Variants in EYS observed in about 807,000 individuals in gnomAD.
The protein encoded by EYS is EGF-like photoreceptor maintenance factor.
A neutral mutation model predicts 282.1 loss-of-function variants in EYS; 250 were observed. The observed-to-expected ratio is 0.89, with a 90% CI of 0.80 to 0.98. EYS has a LOEUF of 0.98. EYS is among the 50% of genes least tolerant of loss of function. The probability of loss-of-function intolerance (pLI) is 0.00; values close to 1 mark genes in which losing one functional copy is unlikely to be tolerated. For missense variants in EYS, 4,016 were observed against 3,709.0 expected (o/e 1.08, Z -2.15); for synonymous variants, 1,355 against 1,282.9 (o/e 1.06, Z -1.20).
At chr6:65,448,157 A>C (rs9351494) in intron 5 of EYS, among the ~76,000 whole-genome samples, 28,170 of 151,928 alleles carry the variant, frequency 0.19, 3,257 homozygotes, top group Middle Eastern at 0.3. Context: ...GTATTTGCAA[A>C]AAGCTGATAC....
intron 22 of EYS, among the ~76,000 whole-genome samples, chr6:64,812,492 CA>C (rs34843455): frequency 6.6e-6 from 1 of 151,688 alleles, no homozygotes. Context: ...TATAAGTAGG[CA>C]AAACATGCCC....
intron 13 of EYS, among the ~76,000 whole-genome samples, chr6:65,010,419 G>A (rs2092927): frequency 0.068 from 10,404 of 152,230 alleles, 448 homozygotes; most frequent in East Asian, 0.13. Context: ...CCAGTGCTGC[G>A]ACTGCGCACT....
chr6:65,045,939 A>AT (rs1773088081), intron 13 of EYS, among the ~76,000 whole-genome samples: 1 of 151,830 alleles, frequency 6.6e-6, no homozygotes, highest in Non-Finnish European at 1.5e-5. Context: ...AACCTTTCTT[A>AT]TATTATTTAT....
intron 12 of EYS, among the ~76,000 whole-genome samples, chr6:65,210,625 C>T (rs1331618151): frequency 1.3e-5 from 2 of 151,752 alleles, no homozygotes; most frequent in African/African-American, 4.8e-5. Flanking sequence ...GTTGTAAGTA[C>T]ATGGCAAAGA....
rs1242677385 is a variant in EYS, at chr6:63,752,562, GGCTCACTGCAA to G, written c.8071+9888_8071+9898del. 2.0e-5 allele frequency among the ~76,000 whole-genome samples: 3 copies of G among 146,396 alleles called. No individual in the cohort carries two copies. In the East Asian group the frequency reaches 6.0e-4, roughly 29 times the overall value. On this transcript the variant is annotated intron_variant, in intron 41 of 42. Transcript: ENST00000503581. The stretch of plus-strand genomic sequence containing the variant: ...GGCTGGAGTGCAGTGGCGCAATCTC[GGCTCACTGCAA>G]GCTCTGCCTCCCAGGTTCACACCAT...
At chr6:65,025,119 A>G (rs1772366401) in intron 13 of EYS, among the ~76,000 whole-genome samples, 2 of 152,250 alleles carry the variant, frequency 1.3e-5, no homozygotes, top group Non-Finnish European at 2.9e-5. Context: ...ATTATTCAAT[A>G]GACTTTACAG....
chr6:65,139,190 A>G (rs1269456994), intron 12 of EYS, among the ~76,000 whole-genome samples: 2 of 152,152 alleles, frequency 1.3e-5, no homozygotes, highest in East Asian at 1.9e-4. Flanking sequence ...CTAGATGCCC[A>G]TCAATGGTAG....
Position 64,071,761 on chromosome 6 carries a change from A to G in EYS, c.6572-5270T>C, listed in dbSNP as rs1195718674. 5.9e-5 allele frequency among the ~76,000 whole-genome samples: 9 copies of G among 151,456 alleles called. No individual in the cohort carries two copies. The Admixed American group carries it at 5.9e-4, about 10-fold the overall frequency. ...TAACAAAGAAAAATCAGCTAATTCT[A>G]GTTTTTGATGTTACAACACATATAA... On this transcript the variant is annotated intron_variant, in intron 32 of 42. Transcript: ENST00000503581.
chr6:63,902,838 C>T (rs1396736655), intron 35 of EYS, among the ~76,000 whole-genome samples: 2 of 148,898 alleles, frequency 1.3e-5, no homozygotes, highest in Admixed American at 6.6e-5. Context: ...GGGGCATGGG[C>T]GGTAACAGTA....
At chr6:65,329,325 T>C (rs1304130853) in intron 11 of EYS, 1 of 823,992 alleles carries the variant, frequency 1.2e-6, no homozygotes, top group Non-Finnish European at 1.5e-6. Flanking sequence ...AATTTTGGTA[T>C]GTGTATGGGT....
intron 12 of EYS, among the ~76,000 whole-genome samples, chr6:65,186,935 T>C (rs1765530095): frequency 6.6e-6 from 1 of 151,794 alleles, no homozygotes; most frequent in South Asian, 2.1e-4. Flanking sequence ...AACCCCTTTT[T>C]TATATTTCCT....
At chr6:64,854,460 G>A (rs969436951) in intron 19 of EYS, among the ~76,000 whole-genome samples, 1 of 151,876 alleles carries the variant, frequency 6.6e-6, no homozygotes, top group Non-Finnish European at 1.5e-5. Flanking sequence ...GATGAAGCTG[G>A]AAACCATTAT....
chr6:64,469,269 A>ATAATAATATTT (rs1349935410), intron 26 of EYS, among the ~76,000 whole-genome samples: 2 of 152,162 alleles, frequency 1.3e-5, no homozygotes, highest in African/African-American at 4.8e-5. Flanking sequence ...TAATAATAAA[A>ATAATAATATTT]CTAGGATGTG....
intron 13 of EYS, among the ~76,000 whole-genome samples, chr6:65,024,088 C>T (rs887979689): frequency 6.6e-6 from 1 of 151,988 alleles, no homozygotes; most frequent in Non-Finnish European, 1.5e-5. Flanking sequence ...TCACTTTTTA[C>T]AAAACTAACT....
At chr6:64,896,857 G>T (rs560882819) in intron 18 of EYS, among the ~76,000 whole-genome samples, 1 of 152,198 alleles carries the variant, frequency 6.6e-6, no homozygotes, top group African/African-American at 2.4e-5. Flanking sequence ...GGTGGAGGGG[G>T]GGGCCACCAC....
chr6:65,116,421 G>C (rs561987991), intron 12 of EYS, among the ~76,000 whole-genome samples: 37 of 152,060 alleles, frequency 2.4e-4, no homozygotes, highest in Non-Finnish European at 5.1e-4. Context: ...TTTGTGGCTA[G>C]AAGGATGGAA....
intron 33 of EYS, among the ~76,000 whole-genome samples, chr6:64,053,027 A>G (rs1398431195): frequency 3.3e-5 from 5 of 151,988 alleles, no homozygotes; most frequent in African/African-American, 1.2e-4. Context: ...TTGATTTATA[A>G]TAAGTATAGC....
chr6:65,691,396 G>C (rs1303407580), intron 1 of EYS, among the ~76,000 whole-genome samples: 1 of 150,218 alleles, frequency 6.7e-6, no homozygotes, highest in African/African-American at 2.4e-5. Context: ...AGAAGTGTCT[G>C]TTCATATCCT....
chr6:65,133,406 T>C (rs1234060857), intron 12 of EYS, among the ~76,000 whole-genome samples: 1 of 152,060 alleles, frequency 6.6e-6, no homozygotes, highest in African/African-American at 2.4e-5. Flanking sequence ...TAAAACATTA[T>C]GGTACTAGTA....
Sources: gnomAD v4.1 joint callset for allele counts (sites outside exome capture counted in the v4.1 genomes callset) on GRCh38, gnomAD v4.1.1 for gene constraint, MANE v1.5 for transcripts, NCBI Gene and HGNC (gene_info 2026-07-23, HGNC 2026-07-21) for gene names.